Variants in MTAP observed in about 807,000 individuals in gnomAD.
MTAP encodes methylthioadenosine phosphorylase.
A neutral mutation model predicts 33.6 loss-of-function variants in MTAP; 33 were observed. The observed-to-expected ratio is 0.98, with a 90% CI of 0.74 to 1.31. The LOEUF (loss-of-function observed/expected upper bound fraction) is 1.31. Ranked by LOEUF, MTAP falls within the 40% of genes most tolerant of loss-of-function variation. MTAP has a pLI of 0.00. For synonymous variants in MTAP, 148 were observed against 125.7 expected, an observed-to-expected ratio of 1.18 and a Z score of -1.19; for missense variants, 367 against 360.0, an observed-to-expected ratio of 1.02 and a Z score of -0.16.
intron 1 of MTAP, chr9:21,803,037 C>CACACACACACACAACACACACACA (rs71334599): frequency 9.4e-7 from 1 of 1,069,268 alleles, no homozygotes; most frequent in Non-Finnish European, 1.2e-6. Context: ...CACACACACA[C>CACACACACACACAACACACACACA]CACCTTTTGG....
chr9:21,860,454 G>GTCT (rs1435299060), intron 7 of MTAP: 10 of 152,280 alleles, frequency 6.6e-5, no homozygotes, highest in African/African-American at 2.4e-4. Context: ...GTTGGAATTT[G>GTCT]TAGCTTATCT....
At chr9:21,817,417 A>G (rs564698785) in intron 3 of MTAP, among the ~76,000 whole-genome samples, 45 of 152,128 alleles carry the variant, frequency 3.0e-4, no homozygotes, top group African/African-American at 1.1e-3. Context: ...CACAAGGCAT[A>G]TTCAAGGACT....
downstream of MTAP, among the ~76,000 whole-genome samples, chr9:21,870,166 G>A (rs368329106): frequency 6.1e-4 from 93 of 152,272 alleles, no homozygotes; most frequent in Middle Eastern, 0.01. Flanking sequence ...CCCAAACATC[G>A]TATTTTAACA....
chr9:21,836,573 G>A (rs1825112801), intron 4 of MTAP, among the ~76,000 whole-genome samples: 1 of 152,178 alleles, frequency 6.6e-6, no homozygotes, highest in East Asian at 1.9e-4. Context: ...CAAAGCCAGA[G>A]CTGAAGTTGA....
intron 1 of MTAP, among the ~76,000 whole-genome samples, chr9:21,906,225 A>G (rs1224759036): frequency 6.6e-6 from 1 of 152,266 alleles, no homozygotes; most frequent in Non-Finnish European, 1.5e-5. Flanking sequence ...ATCAGCTCAA[A>G]TTTCCAAATA....
intron 4 of MTAP, among the ~76,000 whole-genome samples, chr9:21,827,618 A>T (rs1473260627): frequency 6.6e-6 from 1 of 152,106 alleles, no homozygotes; most frequent in Non-Finnish European, 1.5e-5. Context: ...TATATTTGTG[A>T]CCTGTTTCCC....
chr9:21,913,784 T>C (rs1818626661), intron 1 of MTAP, among the ~76,000 whole-genome samples: 1 of 152,210 alleles, frequency 6.6e-6, no homozygotes, highest in Admixed American at 6.5e-5. Context: ...AAATGGGATC[T>C]AATTAAACTA....
At chr9:21,861,658 A>G (rs1286745685) in intron 7 of MTAP, 1 of 326,470 alleles carries the variant, frequency 3.1e-6, no homozygotes. Flanking sequence ...TGGGGTAAGG[A>G]TAAGGGATAG....
chr9:21,931,418 T>G (rs1818956775), downstream of MTAP: 2 of 431,058 alleles, frequency 4.6e-6, no homozygotes, highest in Non-Finnish European at 8.2e-6. Context: ...AGGTGGTTGT[T>G]AAACTCTCTC....
rs1825815010 is a variant in MTAP, at chr9:21,864,378, A to G, written c.*2364A>G. 1.0e-6 allele frequency: 1 copy of G among 984,742 alleles called. No homozygotes were observed. Among genetic ancestry groups the G allele is most frequent in the East Asian group, 1.1e-4 (1 of 8,792 alleles). 61.0% of individuals were successfully genotyped at this position (984,742 alleles called of 1,614,324 possible). ...TTTTTTTTTTAATTTAAGCTAGTAT[A>G]CTAAGTGAACACCATGGTCAGTTGT... On this transcript the variant is annotated 3_prime_UTR_variant, in exon 8 of 8. Coordinates refer to ENST00000644715, the MANE Select transcript of MTAP (RefSeq NM_002451.4).
chr9:21,889,177 AT>A (rs1049786402), intron 1 of MTAP, among the ~76,000 whole-genome samples: 4 of 151,252 alleles, frequency 2.6e-5, no homozygotes, highest in Admixed American at 1.3e-4. Context: ...ATTTTTAAAA[AT>A]TTTTTTTTCT....
chr9:21,854,361 G>T (rs768011808), intron 5 of MTAP, among the ~76,000 whole-genome samples: 1 of 152,148 alleles, frequency 6.6e-6, no homozygotes, highest in Non-Finnish European at 1.5e-5. Flanking sequence ...CAAATGCCTG[G>T]CGAGTAGAAA....
intron 4 of MTAP, among the ~76,000 whole-genome samples, chr9:21,837,522 G>T (rs988125710): frequency 6.6e-6 from 1 of 152,230 alleles, no homozygotes; most frequent in Non-Finnish European, 1.5e-5. Context: ...GAATCTGGGT[G>T]ATGTGTATAT....
At chr9:21,911,653 G>A (rs202111089) in intron 1 of MTAP, among the ~76,000 whole-genome samples, 15 of 151,992 alleles carry the variant, frequency 9.9e-5, no homozygotes, top group Non-Finnish European at 1.6e-4. Context: ...AATTTATAGC[G>A]CTGAATGCCC....
chr9:21,934,714 T>G (rs1681918434), downstream of MTAP: 1 of 152,018 alleles, frequency 6.6e-6, no homozygotes, highest in African/African-American at 2.4e-5. The surrounding 1 kb of genome is among the most constrained non-coding windows in gnomAD (Gnocchi z 5.0). Flanking sequence ...TTGGTTTTTT[T>G]TTTTGAGACG....
intron 1 of MTAP, among the ~76,000 whole-genome samples, chr9:21,910,532 A>G (rs1382258488): frequency 6.6e-6 from 1 of 152,198 alleles, no homozygotes; most frequent in Non-Finnish European, 1.5e-5. Flanking sequence ...AAGCACATGC[A>G]TGCCTGAAGA....
chr9:21,931,408 A>G, downstream of MTAP: 1 of 455,480 alleles, frequency 2.2e-6, no homozygotes, highest in Non-Finnish European at 3.9e-6. Flanking sequence ...GATGATCATC[A>G]GGTGGTTGTT....
intron 4 of MTAP, among the ~76,000 whole-genome samples, chr9:21,835,984 A>C (rs1825095506): frequency 6.6e-6 from 1 of 152,132 alleles, no homozygotes; most frequent in South Asian, 2.1e-4. Context: ...AAATGGTTTT[A>C]AGCCCTTGCT....
chr9:21,872,594 C>T (rs55796448), intron 1 of MTAP, among the ~76,000 whole-genome samples: 3,156 of 152,228 alleles, frequency 0.021, 117 homozygotes, highest in African/African-American at 0.072. Flanking sequence ...TGGGCTCAAT[C>T]CTAAATAAGA....
Sources: gnomAD v4.1 joint callset for allele counts (sites outside exome capture counted in the v4.1 genomes callset) on GRCh38, gnomAD v4.1.1 for gene constraint, Gnocchi (gnomAD v3.1) non-coding constraint, MANE v1.5 for transcripts, NCBI Gene and HGNC (gene_info 2026-07-23, HGNC 2026-07-21) for gene names.